MCM10: variants seen among roughly 807,000 people sequenced by gnomAD.
MCM10 encodes protein MCM10 homolog.
MCM10 carries 91 observed loss-of-function variants against 109.9 expected under a neutral mutation model. The ratio of observed to expected loss-of-function variants is 0.83; its 90% CI spans 0.70 to 0.99. The LOEUF (loss-of-function observed/expected upper bound fraction) is 0.99, where lower values mean the gene tolerates loss of function less well. Ranked by LOEUF, MCM10 falls within the 50% of genes least tolerant of loss-of-function variation. MCM10 has a pLI of 0.00. For missense variants in MCM10, 1,077 were observed against 1,061.2 expected (o/e 1.01, Z -0.21); for synonymous variants, 380 against 387.2 (o/e 0.98, Z 0.22).
At chr10:13,173,113 G>A (rs949003348) in intron 5 of MCM10, among the ~76,000 whole-genome samples, 7 of 152,016 alleles carry the variant, frequency 4.6e-5, no homozygotes, top group Admixed American at 3.3e-4. Context: ...GAGGTGGGAG[G>A]ATCATTTGAG....
At chr10:13,174,549 G>A (rs2131561622) in intron 5 of MCM10, among the ~76,000 whole-genome samples, 1 of 152,268 alleles carries the variant, frequency 6.6e-6, no homozygotes, top group South Asian at 2.1e-4. Context: ...TAGAGAATCA[G>A]TATTATAGAG....
chr10:13,189,065 C>T lies in MCM10; in HGVS notation c.1400C>T (p.Ser467Leu), dbSNP rs201257636. Residue 467 changes from serine to leucine, a missense_variant, in exon 10 of 20, where the codon TCG (serine) becomes TTG (leucine). Ser to Leu is a moderately radical substitution (Grantham distance 145). Coordinates refer to ENST00000378714, the MANE Select transcript of MCM10 (RefSeq NM_018518.5). ...TACTACGGAGGGGTTTCTTCTGCCTCGTATGCAGCTTCAATGTAAGACGTT... is the reference window on the plus strand; with the variant it reads ...TACTACGGAGGGGTTTCTTCTGCCTTGTATGCAGCTTCAATGTAAGACGTT... ...GFYYGGVSSA[S>L]YAASIAAAVA... The T allele has an allele frequency of 1.9e-6, 3 of 1,614,192 alleles. No individual in the cohort carries two copies. The highest frequency in any genetic ancestry group is 2.5e-6 in the Non-Finnish European group (3 of 1,180,030).
chr10:13,189,991 A>G (rs1013083377), intron 10 of MCM10, among the ~76,000 whole-genome samples: 3 of 152,230 alleles, frequency 2.0e-5, no homozygotes, highest in African/African-American at 7.2e-5. Context: ...AAAAGAAAAG[A>G]AAAATCTCTT....
rs201078865 is a variant in MCM10 at position 13,203,889 on chromosome 10, C to T, written c.2353-330C>T. The stretch of plus-strand genomic sequence containing the variant: ...CGTAATGACTCTAGCACAGACTGAC[C>T]GAAGCTATTTAGGGGTTTACAGTAC... On this transcript the variant is annotated intron_variant, in intron 17 of 19. Transcript: ENST00000378714. 4.3e-4 allele frequency among the ~76,000 whole-genome samples: 65 copies of T among 152,226 alleles called. No homozygotes were observed. The Middle Eastern group carries it at 0.017, about 40-fold the overall frequency.
At chr10:13,162,582 G>A (rs1014886933) in intron 1 of MCM10, among the ~76,000 whole-genome samples, 2 of 152,142 alleles carry the variant, frequency 1.3e-5, no homozygotes, top group Non-Finnish European at 2.9e-5. Flanking sequence ...TTTTGGAGAT[G>A]GGACCACAGT....
chr10:13,179,729 A>T (rs1834185286), intron 6 of MCM10, among the ~76,000 whole-genome samples: 1 of 152,090 alleles, frequency 6.6e-6, no homozygotes, highest in South Asian at 2.1e-4. Flanking sequence ...TGTTGTCTTT[A>T]AAAAAAATTC....
intron 17 of MCM10, among the ~76,000 whole-genome samples, chr10:13,202,663 G>A (rs1834515577): frequency 6.6e-6 from 1 of 152,090 alleles, no homozygotes; most frequent in Non-Finnish European, 1.5e-5. Flanking sequence ...AAGATTATGT[G>A]TCTTTGGAAG....
intron 2 of MCM10, among the ~76,000 whole-genome samples, chr10:13,165,607 GCT>G (rs1376703293): frequency 2.0e-5 from 3 of 152,196 alleles, no homozygotes; most frequent in African/African-American, 7.2e-5. Context: ...GGGTGCGGTG[GCT>G]CATGCCTGTA....
intron 18 of MCM10, among the ~76,000 whole-genome samples, chr10:13,208,141 T>G (rs1157277578): frequency 1.3e-5 from 2 of 152,166 alleles, no homozygotes; most frequent in African/African-American, 4.8e-5. Flanking sequence ...TCCAGCAGTT[T>G]GGGAGGCTGA....
At chr10:13,192,639 A>G in intron 13 of MCM10, 71 bp downstream of exon 13, 1 of 1,374,910 alleles carries the variant, frequency 7.3e-7, no homozygotes. Context: ...GTCTTCATCG[A>G]TTTCCAGAAT....
chr10:13,167,473 G>A (rs2131554524), intron 2 of MCM10, among the ~76,000 whole-genome samples: 1 of 152,262 alleles, frequency 6.6e-6, no homozygotes, highest in African/African-American at 2.4e-5. Flanking sequence ...GGAGTGGGTA[G>A]CTAAGATGGG....
In MCM10 at chr10:13,191,039, C is replaced by CT. The variant is rs113096192; in HGVS notation, c.1416-251dup. On this transcript the variant is annotated intron_variant, in intron 10 of 19. Transcript: ENST00000378714. ...CCAGACTGCTGGATCAAAGCATTGG[C>CT]TTTTTTTTTATTTCTTTTGCCAAAT... is the stretch of plus-strand genomic sequence containing the variant. Among the ~76,000 whole-genome samples the CT allele has an allele frequency of 4.6e-3, 699 of 151,462 alleles. 5 individuals carry two copies. The highest frequency in any genetic ancestry group is 0.016 in the African/African-American group (645 of 41,328).
intron 8 of MCM10, among the ~76,000 whole-genome samples, chr10:13,185,954 G>A (rs531224317): frequency 7.2e-5 from 11 of 152,224 alleles, no homozygotes; most frequent in African/African-American, 2.2e-4. Flanking sequence ...TAGAGACAGG[G>A]TTTTGCCACA....
intron 15 of MCM10, 71 bp downstream of exon 15, chr10:13,197,838 C>G (rs1264367784): frequency 6.7e-7 from 1 of 1,481,484 alleles, no homozygotes; most frequent in Non-Finnish European, 9.1e-7. Context: ...TAAACCCAAA[C>G]CAGCACCCAG....
Position 13,192,573 on chromosome 10 carries a change from G to T in MCM10, c.1745+5G>T, listed in dbSNP as rs780917556. ...ATCAGAAGAAATACAGAAGCGGTAA[G>T]AGGAGCAGATTTAATATTCCCCGCT... On this transcript the variant is annotated splice_donor_5th_base_variant and intron_variant, in intron 13 of 19. Coordinates refer to ENST00000378714, the MANE Select transcript of MCM10 (RefSeq NM_018518.5). 4 of 1,613,060 alleles carry T rather than the reference G, an allele frequency of 2.5e-6. No individual in the cohort carries two copies. Among genetic ancestry groups the T allele is most frequent in the South Asian group, 2.2e-5 (2 of 91,042 alleles).
At chr10:13,202,044 A>T (rs553506240) in intron 17 of MCM10, among the ~76,000 whole-genome samples, 1 of 152,144 alleles carries the variant, frequency 6.6e-6, no homozygotes, top group South Asian at 2.1e-4. Flanking sequence ...TAAGTCCTCT[A>T]TTCTTCAACA....
intron 9 of MCM10, 57 bp from the exon 10 acceptor site, chr10:13,188,824 A>T: frequency 6.9e-7 from 1 of 1,439,016 alleles, no homozygotes; most frequent in Non-Finnish European, 9.8e-7. Context: ...GTGTCTGCTC[A>T]CTGCTGTTTC....
intron 18 of MCM10, among the ~76,000 whole-genome samples, chr10:13,204,999 T>C (rs1397037666): frequency 1.0e-2 from 17 of 1,704 alleles, no homozygotes; most frequent in South Asian, 0.062. Context: ...TGTATGTATG[T>C]ATGTATATAT....
chr10:13,192,962 T>C (rs1267680958), intron 13 of MCM10, among the ~76,000 whole-genome samples: 1 of 152,054 alleles, frequency 6.6e-6, no homozygotes, highest in East Asian at 1.9e-4. Context: ...GTCGGCTCAC[T>C]GCAACCTCCA....
Sources: allele counts gnomAD v4.1 joint callset (sites outside exome capture counted in the v4.1 genomes callset), GRCh38; gene constraint gnomAD v4.1.1; transcripts MANE v1.5; gene names NCBI Gene and HGNC (gene_info 2026-07-23, HGNC 2026-07-21).